The following TFRC variants were observed in gnomAD, a reference collection of about 807,000 sequenced individuals.
TFRC encodes transferrin receptor protein 1.
Under a neutral mutation model 85.8 loss-of-function variants are expected in TFRC, and 35 were observed. That is an observed-to-expected ratio of 0.41 (90% CI 0.31 to 0.54). The LOEUF is 0.54. TFRC is among the 20% of genes least tolerant of loss of function. TFRC has a pLI of 0.31. For synonymous variants in TFRC, 362 were observed against 328.6 expected (o/e 1.10, Z -1.10); for missense variants, 828 against 921.5 (o/e 0.90, Z 1.31).
chr3:196,065,422 G>GGT, intron 10 of TFRC, 21 bp downstream of exon 10: 2 of 501,658 alleles, frequency 4.0e-6, no homozygotes, highest in South Asian at 3.6e-5. Flanking sequence ...CGGGGCGGGG[G>GGT]GGGGGGGGGG....
chr3:196,076,673 G>A (rs775885328), intron 2 of TFRC, among the ~76,000 whole-genome samples: 11 of 151,140 alleles, frequency 7.3e-5, no homozygotes, highest in Non-Finnish European at 1.2e-4. Context: ...TGGTCAGGCT[G>A]GTCTTGAACT....
chr3:196,080,574 G>C (rs1204845730), intron 1 of TFRC, among the ~76,000 whole-genome samples: 1 of 152,224 alleles, frequency 6.6e-6, no homozygotes, highest in Non-Finnish European at 1.5e-5. Flanking sequence ...GATCGATTCA[G>C]GTTTAGCTGG....
At chr3:196,070,238 T>C (rs1275542534) in intron 6 of TFRC, among the ~76,000 whole-genome samples, 1 of 150,744 alleles carries the variant, frequency 6.6e-6, no homozygotes, top group African/African-American at 2.4e-5. Flanking sequence ...AGGTATCCAC[T>C]AGAGATACGC....
intron 16 of TFRC, 33 bp downstream of exon 16, chr3:196,058,251 C>T: frequency 8.9e-6 from 14 of 1,570,536 alleles, no homozygotes; most frequent in Non-Finnish European, 1.2e-5. Context: ...TAGAGAGCCT[C>T]TCTCCATTTG....
chr3:196,079,847 T>C (rs1440160946), intron 1 of TFRC, among the ~76,000 whole-genome samples: 2 of 152,168 alleles, frequency 1.3e-5, no homozygotes, highest in African/African-American at 4.8e-5. Flanking sequence ...CCCACCAACA[T>C]TCTTCTCTGT....
Position 196,051,825 on chromosome 3 carries a change from T to C in TFRC, c.*117A>G. On this transcript the variant is annotated 3_prime_UTR_variant, in exon 19 of 19. Coordinates refer to ENST00000360110, the MANE Select transcript of TFRC (RefSeq NM_001128148.3). ...CTAAAGACATCTAGTAGTACCAAGA[T>C]GATGGGATGGAATTTTAACATCAGG... 6 of 1,269,074 alleles carry C rather than the reference T, an allele frequency of 4.7e-6. No individual in the cohort carries two copies. The highest frequency in any genetic ancestry group is 6.6e-6 in the Non-Finnish European group (6 of 911,802). 78.6% of individuals were successfully genotyped at this position (1,269,074 alleles called of 1,614,324 possible).
intron 1 of TFRC, among the ~76,000 whole-genome samples, chr3:196,078,059 C>G (rs1274675414): frequency 1.3e-5 from 2 of 152,190 alleles, no homozygotes; most frequent in African/African-American, 4.8e-5. Context: ...GTGTTATCAT[C>G]TCTGGAAATT....
At chr3:196,067,082 A>G (rs1424064622) in intron 9 of TFRC, among the ~76,000 whole-genome samples, 2 of 152,236 alleles carry the variant, frequency 1.3e-5, no homozygotes, top group East Asian at 3.8e-4. Context: ...AGGCTTCTCA[A>G]TCTATAGACA....
chr3:196,055,371 C>T, intron 16 of TFRC, 70 bp from the exon 17 acceptor site: 1 of 1,352,146 alleles, frequency 7.4e-7, no homozygotes, highest in Non-Finnish European at 1.1e-6. Context: ...TCTGGCTTCG[C>T]CATCGAGGTA....
Position 196,071,379 on chromosome 3 carries a change from T to C in TFRC, c.687+17A>G, listed in dbSNP as rs762253158. The C allele has an allele frequency of 1.2e-5, 19 of 1,597,868 alleles. No individual in the cohort carries two copies. In the African/African-American group the frequency reaches 2.1e-4, roughly 18 times the overall value. ...TTCAATAGGGAAGAGTCTCATGCACTGTTTTGCTTTACTTACAGTAACTGT... is the reference window on the plus strand; with the variant it reads ...TTCAATAGGGAAGAGTCTCATGCACCGTTTTGCTTTACTTACAGTAACTGT... On this transcript the variant is annotated intron_variant, in intron 6 of 18. Coordinates refer to ENST00000360110, the MANE Select transcript of TFRC (RefSeq NM_001128148.3).
At position 196,051,310 on chromosome 3, in the gene TFRC, T is replaced by C. The variant is rs1427050644; in HGVS notation, c.*632A>G. On this transcript the variant is annotated 3_prime_UTR_variant, in exon 19 of 19. Transcript: ENST00000360110. ...TTTGGCTTCTGGTCCCCTCTTTTCA[T>C]AAATGACACTGAGGTTAACATATTA... 4.5e-6 allele frequency: 1 copy of C among 219,896 alleles called. No homozygotes were observed. The highest frequency in any genetic ancestry group is 6.7e-5 in the East Asian group (1 of 14,890). 13.6% of individuals were successfully genotyped at this position (219,896 alleles called of 1,614,324 possible).
chr3:196,077,205 AT>A, intron 1 of TFRC, 83 bp from the exon 2 acceptor site: 1 of 954,082 alleles, frequency 1.0e-6, no homozygotes, highest in Non-Finnish European at 1.6e-6. Context: ...TAAATGATAC[AT>A]TAAATTTTTA....
intron 8 of TFRC, 143 bp downstream of exon 8, chr3:196,067,889 T>G (rs1317474315): frequency 2.6e-6 from 2 of 755,652 alleles, no homozygotes; most frequent in African/African-American, 1.8e-5. Flanking sequence ...TCAAAGTCAA[T>G]GTAATCTATC....
chr3:196,069,846 T>G, intron 6 of TFRC: 1 of 297,292 alleles, frequency 3.4e-6, no homozygotes. Context: ...GAGGCCTATG[T>G]AGGCTGGTCA....
intron 18 of TFRC, among the ~76,000 whole-genome samples, chr3:196,052,519 C>T (rs1402924420): frequency 6.6e-6 from 1 of 151,982 alleles, no homozygotes; most frequent in Non-Finnish European, 1.5e-5. Context: ...CAGCTCACTG[C>T]AACCTCCACC....
chr3:196,069,765 AT>A (rs1162127820), intron 6 of TFRC, 197 bp from the exon 7 acceptor site: 15 of 469,032 alleles, frequency 3.2e-5, no homozygotes, highest in Non-Finnish European at 4.1e-5. Flanking sequence ...TAAAATCAAG[AT>A]TTTTGGCCTC....
In TFRC at chr3:196,077,506, C is replaced by T. The variant is rs41300429; in HGVS notation, c.-23-384G>A. On this transcript the variant is annotated intron_variant, in intron 1 of 18. Transcript: ENST00000360110. ...GTGGCTCACACCTGTAATCCTAGCACTTTGGGAGGCTGAGATGGGTGGATC... is the reference window on the plus strand; with the variant it reads ...GTGGCTCACACCTGTAATCCTAGCATTTTGGGAGGCTGAGATGGGTGGATC... Among the ~76,000 whole-genome samples, 49 of 151,092 alleles carry T rather than the reference C, an allele frequency of 3.2e-4. No individual in the cohort carries two copies. The East Asian group carries it at 8.0e-3, about 25-fold the overall frequency.
At chr3:196,075,972 CAA>C (rs11373736) in intron 2 of TFRC, among the ~76,000 whole-genome samples, 2 of 135,296 alleles carry the variant, frequency 1.5e-5, no homozygotes, top group African/African-American at 2.7e-5. Context: ...ACTAAAAATT[CAA>C]AAAAAAAAAA....
Position 196,058,383 on chromosome 3 carries a change from G to A in TFRC, c.1596-18C>T. 6.2e-7 allele frequency: 1 copy of A among 1,602,260 alleles called. No individual in the cohort carries two copies. Among genetic ancestry groups the A allele is most frequent in the East Asian group, 2.2e-5 (1 of 44,810 alleles). On this transcript the variant is annotated intron_variant, in intron 15 of 18. Transcript: ENST00000360110. ...GTTTCTCACTGCAAAGACAAAGAAT[G>A]TGTCTTTAGAAAGTGTTTTAAAGAA...
Sources: allele counts gnomAD v4.1 joint callset (sites outside exome capture counted in the v4.1 genomes callset), GRCh38; gene constraint gnomAD v4.1.1; transcripts MANE v1.5; gene names NCBI Gene and HGNC (gene_info 2026-07-23, HGNC 2026-07-21).